Variants in FAM114A1 observed in about 807,000 individuals in gnomAD.
The protein encoded by FAM114A1 is family with sequence similarity 114 member A1.
FAM114A1 carries 62 observed loss-of-function variants against 64.3 expected under a neutral mutation model. That is an observed-to-expected ratio of 0.96 (90% CI 0.79 to 1.19). The LOEUF is 1.19. Among genes scored for constraint, FAM114A1 ranks in the 50% most tolerant of loss-of-function variants. The pLI is 0.00. For synonymous variants in FAM114A1, 254 were observed against 251.1 expected (o/e 1.01, Z -0.11); for missense variants, 645 against 676.3 (o/e 0.95, Z 0.51).
At chr4:38,901,344 G>A (rs1038756002) in intron 4 of FAM114A1, among the ~76,000 whole-genome samples, 9 of 152,040 alleles carry the variant, frequency 5.9e-5, no homozygotes, top group Admixed American at 6.6e-5. Context: ...GCTGGAGTGC[G>A]ATGGTGCAAA....
At chr4:38,885,955 G>A (rs1043665950) in intron 3 of FAM114A1, among the ~76,000 whole-genome samples, 1 of 152,130 alleles carries the variant, frequency 6.6e-6, no homozygotes. Flanking sequence ...CAGAAGATAG[G>A]CCATCAGAAT....
intron 3 of FAM114A1, among the ~76,000 whole-genome samples, chr4:38,883,921 G>A (rs1715547365): frequency 6.6e-6 from 1 of 152,190 alleles, no homozygotes; most frequent in Non-Finnish European, 1.5e-5. Context: ...CAGATCTGGA[G>A]GTGTATTGGA....
intron 4 of FAM114A1, among the ~76,000 whole-genome samples, chr4:38,899,981 G>C (rs939082616): frequency 6.6e-6 from 1 of 151,890 alleles, no homozygotes. Context: ...TTACGTTACT[G>C]GAATCTATCT....
chr4:38,882,862 G>A (rs185140898), intron 3 of FAM114A1, among the ~76,000 whole-genome samples: 15 of 152,334 alleles, frequency 9.8e-5, no homozygotes, highest in Admixed American at 3.3e-4. Context: ...CCATAACTTG[G>A]CAGATGGGGT....
At chr4:38,876,611 A>T (rs529343925) in intron 2 of FAM114A1, among the ~76,000 whole-genome samples, 29 of 152,376 alleles carry the variant, frequency 1.9e-4, no homozygotes, top group African/African-American at 7.0e-4. Flanking sequence ...GTTTAAAGAT[A>T]GCCCTGTAGG....
At chr4:38,875,692 T>C (rs1167377986) in intron 2 of FAM114A1, among the ~76,000 whole-genome samples, 1 of 152,196 alleles carries the variant, frequency 6.6e-6, no homozygotes, top group African/African-American at 2.4e-5. Flanking sequence ...TCCACTATTG[T>C]GTTGAATAGA....
intron 14 of FAM114A1, 98 bp from the exon 15 acceptor site, chr4:38,943,358 G>T: frequency 2.0e-6 from 2 of 987,922 alleles, no homozygotes; most frequent in Non-Finnish European, 3.2e-6. Context: ...ATCCAATATG[G>T]GGGGTGGGTT....
chr4:38,935,369 A>G (rs1435078148), intron 12 of FAM114A1, among the ~76,000 whole-genome samples: 15 of 152,240 alleles, frequency 9.9e-5, no homozygotes, highest in African/African-American at 2.4e-5. Context: ...TGAAATGACC[A>G]AAAAGCTGGA....
At chr4:38,901,497 G>A (rs560122097) in intron 4 of FAM114A1, among the ~76,000 whole-genome samples, 4 of 152,110 alleles carry the variant, frequency 2.6e-5, no homozygotes, top group Non-Finnish European at 5.9e-5. Flanking sequence ...TCACCATGTT[G>A]GCCAGGATGG....
In FAM114A1 at chr4:38,884,407, A is replaced by T. The variant is rs1411105196; in HGVS notation, c.348+5981A>T. Among the ~76,000 whole-genome samples the T allele has an allele frequency of 2.0e-5, 3 of 152,254 alleles. No individual in the cohort carries two copies. The East Asian group carries it at 5.8e-4, about 29-fold the overall frequency. On this transcript the variant is annotated intron_variant, in intron 3 of 14. Coordinates refer to ENST00000358869, the MANE Select transcript of FAM114A1 (RefSeq NM_138389.4). The stretch of plus-strand genomic sequence containing the variant: ...CTATCAGCACCTATGTGGTTATTTC[A>T]GTAATGGAAGTGGGTAAGATGGCTC...
intron 2 of FAM114A1, among the ~76,000 whole-genome samples, chr4:38,872,540 C>T (rs1432604132): frequency 6.6e-6 from 1 of 152,138 alleles, no homozygotes; most frequent in East Asian, 1.9e-4. Context: ...AAATATCAGA[C>T]AATGTCTACC....
intron 8 of FAM114A1, among the ~76,000 whole-genome samples, chr4:38,920,532 A>G (rs1719488972): frequency 6.6e-6 from 1 of 152,206 alleles, no homozygotes; most frequent in African/African-American, 2.4e-5. Context: ...GATGCTGACA[A>G]AAGAGTGCTT....
chr4:38,935,311 A>G (rs772164003), intron 12 of FAM114A1, among the ~76,000 whole-genome samples: 5 of 152,220 alleles, frequency 3.3e-5, no homozygotes, highest in Non-Finnish European at 5.9e-5. Flanking sequence ...ATGATTAGGC[A>G]CACAAAAGTG....
At chr4:38,870,666 C>T (rs1029802714) in intron 2 of FAM114A1, among the ~76,000 whole-genome samples, 2 of 152,116 alleles carry the variant, frequency 1.3e-5, no homozygotes, top group East Asian at 1.9e-4. Flanking sequence ...CTCCAGTCCA[C>T]GAGACATGGC....
chr4:38,885,192 C>T (rs1272653471), intron 3 of FAM114A1, among the ~76,000 whole-genome samples: 1 of 152,106 alleles, frequency 6.6e-6, no homozygotes, highest in Non-Finnish European at 1.5e-5. Flanking sequence ...CCAGGCTGGT[C>T]TTGAACTCCT....
chr4:38,881,850 G>A (rs1331443296), intron 3 of FAM114A1, among the ~76,000 whole-genome samples: 1 of 152,158 alleles, frequency 6.6e-6, no homozygotes, highest in Non-Finnish European at 1.5e-5. Context: ...AGAGTGAATT[G>A]TACAAAACAA....
chr4:38,927,250 A>G (rs1720205933), intron 9 of FAM114A1, among the ~76,000 whole-genome samples: 1 of 152,186 alleles, frequency 6.6e-6, no homozygotes, highest in Admixed American at 6.5e-5. Flanking sequence ...ATATCAAAAT[A>G]CCATAGACTA....
At chr4:38,895,387 G>A (rs1474593701) in intron 4 of FAM114A1, among the ~76,000 whole-genome samples, 1 of 152,180 alleles carries the variant, frequency 6.6e-6, no homozygotes, top group Non-Finnish European at 1.5e-5. Flanking sequence ...CTACCTTCAG[G>A]AAGGGCCCCT....
intron 6 of FAM114A1, among the ~76,000 whole-genome samples, chr4:38,907,655 A>G (rs79948041): frequency 0.11 from 16,910 of 152,268 alleles, 1,306 homozygotes; most frequent in Non-Finnish European, 0.18. Flanking sequence ...CAAGATGAAA[A>G]TAAAGTATAT....
Sources: allele counts gnomAD v4.1 joint callset (sites outside exome capture counted in the v4.1 genomes callset), GRCh38; gene constraint gnomAD v4.1.1; transcripts MANE v1.5; gene names NCBI Gene and HGNC (gene_info 2026-07-23, HGNC 2026-07-21).